The following JMJD1C variants were observed in gnomAD, a reference collection of about 807,000 sequenced individuals.
JMJD1C encodes jumonji domain-containing protein 1C.
In JMJD1C, 31 loss-of-function variants were observed where a neutral mutation model predicts 245.3. That is an observed-to-expected ratio of 0.13 (90% CI 0.09 to 0.17). The LOEUF (loss-of-function observed/expected upper bound fraction) is 0.17. Ranked by LOEUF, JMJD1C falls within the 10% of genes least tolerant of loss-of-function variation. The probability of loss-of-function intolerance (pLI) is 1.00; values close to 1 mark genes in which losing one functional copy is unlikely to be tolerated. For missense variants in JMJD1C, 2,691 were observed against 3,000.2 expected, an observed-to-expected ratio of 0.90 and a Z score of 2.41; for synonymous variants, 1,057 against 1,017.4, an observed-to-expected ratio of 1.04 and a Z score of -0.74.
At chr10:63,322,836 T>C (rs1052827856) in intron 2 of JMJD1C, among the ~76,000 whole-genome samples, 28 of 149,874 alleles carry the variant, frequency 1.9e-4, no homozygotes, top group East Asian at 9.7e-4. Flanking sequence ...TTTTTTTTTT[T>C]CCTAAGTTTG....
At chr10:63,427,426 G>A (rs906110096) in intron 1 of JMJD1C, 4 of 1,130,538 alleles carry the variant, frequency 3.5e-6, no homozygotes, top group East Asian at 2.6e-5. Flanking sequence ...ACACCGGGAG[G>A]TGACTGCTGA....
chr10:63,177,324 C>A (rs1842952424), intron 23 of JMJD1C: 1 of 226,888 alleles, frequency 4.4e-6, no homozygotes, highest in African/African-American at 2.4e-5. Context: ...AGGTCAGCAG[C>A]CAAAAATATC....
intron 2 of JMJD1C, among the ~76,000 whole-genome samples, chr10:63,300,061 A>C (rs1170131905): frequency 6.7e-6 from 1 of 149,872 alleles, no homozygotes; most frequent in African/African-American, 2.5e-5. Context: ...TTCTAGAAAA[A>C]CAGCTAAGTA....
chr10:63,384,830 T>C (rs1047865081), intron 1 of JMJD1C, among the ~76,000 whole-genome samples: 9 of 152,214 alleles, frequency 5.9e-5, no homozygotes, highest in Non-Finnish European at 1.0e-4. Flanking sequence ...TTTCTTATCA[T>C]CCCTGTGTTT....
At chr10:63,506,542 C>G (rs1339398815) in intron 1 of JMJD1C, among the ~76,000 whole-genome samples, 1 of 152,160 alleles carries the variant, frequency 6.6e-6, no homozygotes, top group African/African-American at 2.4e-5. Context: ...AAAAGCCTAG[C>G]TGCTTTTGTA....
intron 2 of JMJD1C, among the ~76,000 whole-genome samples, chr10:63,345,674 T>C (rs770706976): frequency 1.3e-5 from 2 of 152,082 alleles, no homozygotes; most frequent in Non-Finnish European, 2.9e-5. Context: ...GGGAGACAAC[T>C]ACAAGGGGGC....
rs190542770 is a variant in JMJD1C at position 63,298,932 on chromosome 10, T to C, written c.334-34168A>G. Among the ~76,000 whole-genome samples, 412 of 152,224 alleles carry C rather than the reference T, an allele frequency of 2.7e-3. 6 individuals carry two copies. The highest frequency in any genetic ancestry group is 9.7e-3 in the African/African-American group (402 of 41,556). ...TTTTAGTAGAGACAAGGTTTCTCCATGTTGGTCAGGCTGGTCTTGAACTTC... is the reference window on the plus strand; with the variant it reads ...TTTTAGTAGAGACAAGGTTTCTCCACGTTGGTCAGGCTGGTCTTGAACTTC... On this transcript the variant is annotated intron_variant, in intron 2 of 25. Transcript: ENST00000399262.
At chr10:63,425,388 T>C (rs909012395) in intron 1 of JMJD1C, among the ~76,000 whole-genome samples, 2 of 152,192 alleles carry the variant, frequency 1.3e-5, no homozygotes, top group Admixed American at 1.3e-4. Context: ...ATTAAAAGTC[T>C]CTATACAATC....
At chr10:63,197,599 A>C in intron 12 of JMJD1C, 36 bp from the exon 13 acceptor site, 1 of 1,475,580 alleles carries the variant, frequency 6.8e-7, no homozygotes, top group Non-Finnish European at 9.0e-7. Flanking sequence ...TTAAAGGCAA[A>C]CATGCTCTTT....
chr10:63,177,615 T>C, intron 23 of JMJD1C, 102 bp downstream of exon 23: 5 of 1,235,116 alleles, frequency 4.0e-6, no homozygotes, highest in Non-Finnish European at 5.8e-6. Context: ...AAGTAAAAAT[T>C]ATGTAATGGT....
At chr10:63,247,183 A>G (rs1036457002) in intron 3 of JMJD1C, among the ~76,000 whole-genome samples, 6 of 151,616 alleles carry the variant, frequency 4.0e-5, no homozygotes, top group African/African-American at 1.4e-4. Flanking sequence ...TTGAAAAGAT[A>G]GATAAAATCA....
chr10:63,337,279 T>C (rs1942835447), intron 2 of JMJD1C, among the ~76,000 whole-genome samples: 1 of 150,586 alleles, frequency 6.6e-6, no homozygotes, highest in Non-Finnish European at 1.5e-5. Context: ...CCATGTCTAC[T>C]GAAAATATAA....
intron 1 of JMJD1C, among the ~76,000 whole-genome samples, chr10:63,433,387 C>T (rs900268594): frequency 1.3e-5 from 2 of 151,878 alleles, no homozygotes; most frequent in Non-Finnish European, 2.9e-5. Flanking sequence ...TGTGCCACCG[C>T]GCCCGGCCTA....
chr10:63,457,827 C>T (rs1952511233), intron 1 of JMJD1C, among the ~76,000 whole-genome samples: 1 of 152,208 alleles, frequency 6.6e-6, no homozygotes, highest in Non-Finnish European at 1.5e-5. Flanking sequence ...CTGACACTTA[C>T]TGATTGTGTG....
intron 17 of JMJD1C, 100 bp from the exon 18 acceptor site, chr10:63,189,546 C>T (rs1844513907): frequency 1.1e-6 from 1 of 915,222 alleles, no homozygotes; most frequent in Non-Finnish European, 1.6e-6. Flanking sequence ...TATCCCTACA[C>T]TCCACAATAT....
intron 1 of JMJD1C, among the ~76,000 whole-genome samples, chr10:63,509,053 T>C (rs1041385241): frequency 6.6e-6 from 1 of 152,234 alleles, no homozygotes; most frequent in Non-Finnish European, 1.5e-5. Context: ...ACTATGATAT[T>C]AGCTGTAGGG....
rs192964786 is a variant in JMJD1C at position 63,443,598 on chromosome 10, C to A, written c.168+21897G>T. On this transcript the variant is annotated intron_variant, in intron 1 of 25. Coordinates refer to ENST00000399262, the MANE Select transcript of JMJD1C (RefSeq NM_032776.3). ...AAGTACTGGGATTACAGGCGTGAGC[C>A]ACTGCTCCCAGCCTTTTGACAGGTT... 4.6e-5 allele frequency among the ~76,000 whole-genome samples: 7 copies of A among 152,348 alleles called. No homozygotes were observed. In the East Asian group the frequency reaches 1.2e-3, roughly 25 times the overall value.
In JMJD1C at chr10:63,259,268, C is replaced by T. The variant is rs1395776854; in HGVS notation, c.447+5383G>A. Among the ~76,000 whole-genome samples the T allele has an allele frequency of 2.6e-5, 4 of 152,292 alleles. No individual in the cohort carries two copies. In the East Asian group the frequency reaches 7.7e-4, roughly 29 times the overall value. On this transcript the variant is annotated intron_variant, in intron 3 of 25. Transcript: ENST00000399262. ...GTCAAATATTTAATTCAACAAATTA[C>T]AACATTTGTCTAGTAACGACCAAAC...
intron 3 of JMJD1C, among the ~76,000 whole-genome samples, chr10:63,229,853 T>TG (rs1268184046): frequency 2.0e-5 from 3 of 152,238 alleles, no homozygotes; most frequent in African/African-American, 7.2e-5. Flanking sequence ...AAGTGATGAA[T>TG]GACTGTGATC....
Sources: allele counts gnomAD v4.1 joint callset (sites outside exome capture counted in the v4.1 genomes callset), GRCh38; gene constraint gnomAD v4.1.1; transcripts MANE v1.5; gene names NCBI Gene and HGNC (gene_info 2026-07-23, HGNC 2026-07-21).